NWD2: variants seen among roughly 807,000 people sequenced by gnomAD.
NWD2 encodes the protein NACHT and WD repeat domain containing 2, also known as NACHT and WD repeat domain-containing protein 2.
Under a neutral mutation model 132.7 loss-of-function variants are expected in NWD2, and 37 were observed. The ratio of observed to expected loss-of-function variants is 0.28; its 90% CI spans 0.21 to 0.37. The LOEUF (loss-of-function observed/expected upper bound fraction) is 0.37, where lower values mean the gene tolerates loss of function less well. Ranked by LOEUF, NWD2 falls within the 10% of genes least tolerant of loss-of-function variation. The pLI, the probability that NWD2 is intolerant of heterozygous loss-of-function variation, is 1.00. For missense variants in NWD2, 1,592 were observed against 2,122.4 expected (o/e 0.75, Z 4.91); for synonymous variants, 705 against 803.0 (o/e 0.88, Z 2.06).
intron 3 of NWD2, among the ~76,000 whole-genome samples, chr4:37,365,260 T>G (rs542324222): frequency 6.6e-6 from 1 of 152,226 alleles, no homozygotes; most frequent in Non-Finnish European, 1.5e-5. Flanking sequence ...CTTTATCATT[T>G]TAGGTATACA....
At chr4:37,253,197 C>T (rs545155933) in intron 1 of NWD2, among the ~76,000 whole-genome samples, 1 of 152,200 alleles carries the variant, frequency 6.6e-6, no homozygotes, top group Non-Finnish European at 1.5e-5. Flanking sequence ...TTCTTCCCCT[C>T]TCAAGTTCTG....
At chr4:37,282,343 GT>G (rs72090604) in intron 1 of NWD2, among the ~76,000 whole-genome samples, 3,596 of 152,066 alleles carry the variant, frequency 0.024, 142 homozygotes, top group African/African-American at 0.082. Context: ...ATAACAATGG[GT>G]TTTTTTCCCC....
chr4:37,316,647 GC>G (rs1560392974), intron 1 of NWD2, among the ~76,000 whole-genome samples: 1 of 151,812 alleles, frequency 6.6e-6, no homozygotes, highest in Non-Finnish European at 1.5e-5. Flanking sequence ...GTGTCTTGGG[GC>G]TTGGTTCATT....
chr4:37,395,065 C>T (rs906914212), intron 3 of NWD2, among the ~76,000 whole-genome samples: 3 of 151,744 alleles, frequency 2.0e-5, no homozygotes, highest in Non-Finnish European at 4.4e-5. Context: ...CACCCGCCCC[C>T]CAATCCTGGG....
At chr4:37,351,653 G>C (rs1184669851) in intron 2 of NWD2, among the ~76,000 whole-genome samples, 3 of 151,906 alleles carry the variant, frequency 2.0e-5, no homozygotes, top group Admixed American at 2.0e-4. Flanking sequence ...ATTTTTTTAA[G>C]AGTTTTTCTT....
intron 3 of NWD2, among the ~76,000 whole-genome samples, chr4:37,419,537 C>A (rs1333746614): frequency 6.6e-6 from 1 of 152,138 alleles, no homozygotes; most frequent in Non-Finnish European, 1.5e-5. Context: ...CTACAAGGAA[C>A]TTAAACAAAT....
rs574768032 is a variant in NWD2, at chr4:37,257,142, A to T, written c.151+11924A>T. On this transcript the variant is annotated intron_variant, in intron 1 of 6. Transcript: ENST00000309447. ...CCAGCACCACCTGGCCAACAAGGAGAATGAGCCATCTTGGAGGTAGATCTT... is the reference window on the plus strand; with the variant it reads ...CCAGCACCACCTGGCCAACAAGGAGTATGAGCCATCTTGGAGGTAGATCTT... Among the ~76,000 whole-genome samples the T allele has an allele frequency of 2.2e-4, 34 of 152,208 alleles. No individual in the cohort carries two copies. The South Asian group carries it at 6.6e-3, about 30-fold the overall frequency.
At chr4:37,413,607 A>G (rs1721205673) in intron 3 of NWD2, among the ~76,000 whole-genome samples, 2 of 152,212 alleles carry the variant, frequency 1.3e-5, no homozygotes, top group South Asian at 4.1e-4. Flanking sequence ...TTGACCCAGC[A>G]ATCCCATTAC....
At chr4:37,393,160 G>A (rs1720712824) in intron 3 of NWD2, among the ~76,000 whole-genome samples, 2 of 148,932 alleles carry the variant, frequency 1.3e-5, no homozygotes, top group African/African-American at 5.0e-5. Flanking sequence ...AGAAAACAAA[G>A]GGTTCACTTT....
chr4:37,392,048 A>G (rs1301796528), intron 3 of NWD2, among the ~76,000 whole-genome samples: 1 of 152,000 alleles, frequency 6.6e-6, no homozygotes, highest in East Asian at 1.9e-4. Flanking sequence ...TAAAAATACA[A>G]AAAAATTAGC....
chr4:37,314,125 G>T (rs1183352997), intron 1 of NWD2, among the ~76,000 whole-genome samples: 2 of 152,196 alleles, frequency 1.3e-5, no homozygotes, highest in Non-Finnish European at 2.9e-5. Context: ...AAACATTAAA[G>T]TAACATTGCA....
intron 2 of NWD2, among the ~76,000 whole-genome samples, chr4:37,335,900 T>G (rs548715877): frequency 6.7e-6 from 1 of 150,148 alleles, no homozygotes; most frequent in African/African-American, 2.5e-5. Flanking sequence ...CGATTTCAAT[T>G]TATTGATTAA....
At chr4:37,438,619 C>T (rs1441054276) in intron 5 of NWD2, among the ~76,000 whole-genome samples, 182 bp from the exon 6 acceptor site, 1 of 152,148 alleles carries the variant, frequency 6.6e-6, no homozygotes, top group Non-Finnish European at 1.5e-5. Context: ...AACCTGTTCT[C>T]CCGGGTTGCT....
intron 2 of NWD2, among the ~76,000 whole-genome samples, chr4:37,330,201 C>T (rs1386793305): frequency 3.3e-5 from 5 of 151,946 alleles, no homozygotes; most frequent in African/African-American, 7.3e-5. Context: ...CACTAGACTC[C>T]GATTATGTAA....
At chr4:37,313,517 CT>C (rs377638339) in intron 1 of NWD2, among the ~76,000 whole-genome samples, 7,490 of 143,786 alleles carry the variant, frequency 0.052, 925 homozygotes, top group African/African-American at 0.16. Context: ...ATTCTTCTGT[CT>C]TTTTTTCTTT....
Position 37,446,452 on chromosome 4 carries a change from T to A in NWD2, c.4464T>A (p.Pro1488=). 2 of 1,551,768 alleles carry A rather than the reference T, an allele frequency of 1.3e-6. No individual in the cohort carries two copies. The highest frequency in any genetic ancestry group is 1.4e-5 in the African/African-American group (1 of 73,180). ...CCATCGTGAATTTTAAATTAATCCC[T>A]GACTGTCCTGATATCATCGTGTTTA... ...GTTIVNFKLI[P]DCPDIIVFIT... is the part of the protein sequence containing the mutation. The change falls in exon 7 of 7, where the codon CCT becomes CCA. Residue 1488 remains proline (P), a synonymous_variant. Coordinates refer to ENST00000309447, the MANE Select transcript of NWD2 (RefSeq NM_001144990.2). This position sits in a 1 kb window ranked among gnomAD's most constrained non-coding sequence, Gnocchi z 6.7.
At chr4:37,354,869 T>G (rs1719839815) in intron 2 of NWD2, among the ~76,000 whole-genome samples, 1 of 152,206 alleles carries the variant, frequency 6.6e-6, no homozygotes, top group Non-Finnish European at 1.5e-5. Context: ...ATAAATGTTT[T>G]CTTTACTTTT....
intron 3 of NWD2, among the ~76,000 whole-genome samples, chr4:37,372,109 AT>A (rs1720240259): frequency 6.6e-6 from 1 of 152,184 alleles, no homozygotes; most frequent in Non-Finnish European, 1.5e-5. Context: ...ATTATTGTAC[AT>A]TTAAGTACCT....
At chr4:37,371,969 A>T (rs1213601956) in intron 3 of NWD2, among the ~76,000 whole-genome samples, 1 of 152,222 alleles carries the variant, frequency 6.6e-6, no homozygotes, top group East Asian at 1.9e-4. Flanking sequence ...GGAGATCAAG[A>T]AGTCATTTCT....
Sources: gnomAD v4.1 joint callset for allele counts (sites outside exome capture counted in the v4.1 genomes callset) on GRCh38, gnomAD v4.1.1 for gene constraint, Gnocchi (gnomAD v3.1) non-coding constraint, MANE v1.5 for transcripts, NCBI Gene and HGNC (gene_info 2026-07-23, HGNC 2026-07-21) for gene names.